Variants in EXD3 observed in about 807,000 individuals in gnomAD.
The protein encoded by EXD3 is exonuclease 3'-5' domain containing 3.
In EXD3, 92 loss-of-function variants were observed where a neutral mutation model predicts 98.0. The observed-to-expected ratio is 0.94, with a 90% confidence interval of 0.79 to 1.12. The LOEUF (loss-of-function observed/expected upper bound fraction) is 1.12, where lower values mean the gene tolerates loss of function less well. Ranked by LOEUF, EXD3 falls within the 50% of genes most tolerant of loss-of-function variation. The probability of loss-of-function intolerance (pLI) is 0.00; values close to 1 mark genes in which losing one functional copy is unlikely to be tolerated. For synonymous variants in EXD3, 569 were observed against 526.0 expected (o/e 1.08, Z -1.12); for missense variants, 1,222 against 1,191.6 (o/e 1.03, Z -0.38).
Position 137,351,159 on chromosome 9 carries a change from A to T in EXD3, c.1385-12T>A. ...CACCATCCCGTAGCCTGTGGGCAGG[A>T]ACCATCGTGGGAGGGGCGCCTGCAG... On this transcript the variant is annotated splice_polypyrimidine_tract_variant and intron_variant, in intron 13 of 21. Transcript: ENST00000340951. 1.3e-6 allele frequency: 2 copies of T among 1,562,980 alleles called. No individual in the cohort carries two copies. The highest frequency in any genetic ancestry group is 1.7e-6 in the Non-Finnish European group (2 of 1,154,514).
intron 5 of EXD3, among the ~76,000 whole-genome samples, chr9:137,370,592 T>G: frequency 7.0e-6 from 1 of 143,390 alleles, no homozygotes; most frequent in East Asian, 2.1e-4. Flanking sequence ...GCCCAGGAGC[T>G]GCTGCTTTCA....
At chr9:137,416,182 C>T (rs539013450) in intron 1 of EXD3, among the ~76,000 whole-genome samples, 11 of 152,310 alleles carry the variant, frequency 7.2e-5, no homozygotes, top group Admixed American at 6.5e-5. Flanking sequence ...CCAGGGCTTT[C>T]GCTCTTCTGC....
intron 5 of EXD3, among the ~76,000 whole-genome samples, chr9:137,370,379 A>G (rs1788345163): frequency 6.6e-6 from 1 of 152,106 alleles, no homozygotes; most frequent in Non-Finnish European, 1.5e-5. Flanking sequence ...AGCAGACAGC[A>G]GAAGGTGAAG....
Position 137,373,538 on chromosome 9 carries a change from T to C in EXD3, c.182A>G (p.Asp61Gly). The change falls in exon 4 of 22, where the codon GAC (aspartate) becomes GGC (glycine). Residue 61 changes from aspartate (D) to glycine (G), a missense_variant. By Grantham distance (94) the Asp-to-Gly change is moderately conservative. Coordinates refer to ENST00000340951, the MANE Select transcript of EXD3 (RefSeq NM_017820.5). ...ALDDPLAGLL[D>G]MLESCRGQRG... ...CTGGCCCCGGCAGCTCTCCAGCATG[T>C]CCAGAAGCCCGGCCAGGGGGTCGTC... The C allele has an allele frequency of 6.2e-7, 1 of 1,603,776 alleles. No individual in the cohort carries two copies. The highest frequency in any genetic ancestry group is 1.1e-5 in the South Asian group (1 of 89,304).
chr9:137,379,931 G>A (rs1236933462), intron 3 of EXD3, among the ~76,000 whole-genome samples: 2 of 151,878 alleles, frequency 1.3e-5, no homozygotes, highest in Non-Finnish European at 2.9e-5. Context: ...GTGTGCCCAC[G>A]TCGGCCAGCG....
In EXD3 at chr9:137,355,471, A is replaced by C. The variant is rs1182517045; in HGVS notation, c.758-698T>G. Among the ~76,000 whole-genome samples, 285 of 110,294 alleles carry C rather than the reference A, an allele frequency of 2.6e-3. 4 individuals are homozygous for C. Among genetic ancestry groups the C allele is most frequent in the African/African-American group, 9.9e-3 (231 of 23,422 alleles). 72.4% of individuals were successfully genotyped at this position (110,294 alleles called of 152,430 possible). On this transcript the variant is annotated intron_variant, in intron 8 of 21. Transcript: ENST00000340951. ...AGGATGGAGGAAGGAGAAAGGAGGA[A>C]GGAGGAAGGAGGAAGGAGGATGGAG...
At chr9:137,376,719 C>G (rs1041148278) in intron 3 of EXD3, among the ~76,000 whole-genome samples, 2 of 152,042 alleles carry the variant, frequency 1.3e-5, no homozygotes, top group Non-Finnish European at 2.9e-5. Context: ...CAACTGAGGT[C>G]GGGAGTTGGA....
In EXD3 at chr9:137,368,016, C is replaced by G. The variant is rs1438065122; in HGVS notation, c.463-27G>C. The G allele has an allele frequency of 1.9e-6, 3 of 1,600,914 alleles. No homozygotes were observed. The East Asian group carries it at 6.7e-5, about 36-fold the overall frequency. The stretch of plus-strand genomic sequence containing the variant: ...TGGCAAACACAAAGGCGGCAGATTA[C>G]TCAGGGCCTGGGAGGGGCCAGGCAG... On this transcript the variant is annotated intron_variant, in intron 5 of 21. Transcript: ENST00000340951.
In EXD3 at chr9:137,323,611, C is replaced by T. The variant is rs1832208630; in HGVS notation, c.2184+114G>A. The stretch of plus-strand genomic sequence containing the variant: ...ACCCTGGACCACGAGGGATGCTCTG[C>T]CGACACCCCACCCCAGACCCACCAC... On this transcript the variant is annotated intron_variant, in intron 19 of 21. Coordinates refer to ENST00000340951, the MANE Select transcript of EXD3 (RefSeq NM_017820.5). The T allele has an allele frequency of 2.8e-6, 4 of 1,430,426 alleles. No homozygotes were observed. In the Admixed American group the frequency reaches 6.1e-5, roughly 22 times the overall value. 88.6% of individuals were successfully genotyped at this position (1,430,426 alleles called of 1,614,324 possible).
At chr9:137,320,267 C>T (rs1257579230) in intron 19 of EXD3, among the ~76,000 whole-genome samples, 3 of 152,200 alleles carry the variant, frequency 2.0e-5, no homozygotes, top group Admixed American at 6.5e-5. Context: ...GGTGGCAGGT[C>T]GCTGCCTGGG....
intron 8 of EXD3, among the ~76,000 whole-genome samples, chr9:137,355,979 A>G (rs1258501402): frequency 6.6e-6 from 1 of 152,064 alleles, no homozygotes; most frequent in African/African-American, 2.4e-5. Flanking sequence ...TGGACTCAGC[A>G]CTCACCCTCA....
chr9:137,421,261 C>T (rs2131853274), intron 1 of EXD3, among the ~76,000 whole-genome samples: 2 of 152,308 alleles, frequency 1.3e-5, no homozygotes, highest in South Asian at 4.1e-4. Context: ...GTCTGAAATT[C>T]CTTATGGCAA....
intron 1 of EXD3, among the ~76,000 whole-genome samples, chr9:137,412,059 C>A (rs571532824): frequency 6.6e-6 from 1 of 152,334 alleles, no homozygotes; most frequent in South Asian, 2.1e-4. Context: ...CCCACCCCCA[C>A]AGAGCCGGCC....
chr9:137,355,130 G>C (rs1370262354), intron 8 of EXD3, among the ~76,000 whole-genome samples: 1 of 152,166 alleles, frequency 6.6e-6, no homozygotes, highest in Non-Finnish European at 1.5e-5. Context: ...GACAGAGCCG[G>C]CTGCTCACTG....
At chr9:137,381,964 GGAGGAGGTGGGAGCACGCA>G (rs1836299358) in intron 3 of EXD3, among the ~76,000 whole-genome samples, 1 of 151,396 alleles carries the variant, frequency 6.6e-6, no homozygotes, top group Non-Finnish European at 1.5e-5. Context: ...GAGGGCGCAG[GGAGGAGGTGGGAGCACGCA>G]GAGGAGGTGA....
Position 137,371,911 on chromosome 9 carries a change from C to T in EXD3, c.462+994G>A, listed in dbSNP as rs754256219. Among the ~76,000 whole-genome samples the T allele has an allele frequency of 5.3e-5, 8 of 152,140 alleles. No homozygotes were observed. The highest frequency in any genetic ancestry group is 7.4e-5 in the Non-Finnish European group (5 of 67,980). ...CAGCTCAGAGCCACCCCACGCAAGACGGCCGCCTCCCTACCCACTGCAGGC... is the reference window on the plus strand; with the variant it reads ...CAGCTCAGAGCCACCCCACGCAAGATGGCCGCCTCCCTACCCACTGCAGGC... On this transcript the variant is annotated intron_variant, in intron 5 of 21. Coordinates refer to ENST00000340951, the MANE Select transcript of EXD3 (RefSeq NM_017820.5). This position sits in a 1 kb window ranked among gnomAD's most constrained non-coding sequence, Gnocchi z 8.0.
intron 1 of EXD3, among the ~76,000 whole-genome samples, chr9:137,421,458 G>A (rs1838508033): frequency 6.6e-6 from 1 of 152,236 alleles, no homozygotes; most frequent in East Asian, 1.9e-4. Context: ...CAGCATACCT[G>A]TTACTGGATT....
At chr9:137,414,620 T>G (rs1209624121) in intron 1 of EXD3, among the ~76,000 whole-genome samples, 1 of 152,246 alleles carries the variant, frequency 6.6e-6, no homozygotes, top group African/African-American at 2.4e-5. Flanking sequence ...CAACGCCTGT[T>G]GCGGTCTGTC....
rs535196514 is a variant in EXD3 at position 137,405,440 on chromosome 9, G to A, written c.-47-10036C>T. 6.6e-6 allele frequency among the ~76,000 whole-genome samples: 1 copy of A among 152,360 alleles called. No homozygotes were observed. The highest frequency in any genetic ancestry group is 2.4e-5 in the African/African-American group (1 of 41,586). On this transcript the variant is annotated intron_variant, in intron 1 of 21. Transcript: ENST00000340951. This position sits in a 1 kb window ranked among gnomAD's most constrained non-coding sequence, Gnocchi z 4.1. ...GGTGTCCGTGGCCCAAGGATTTGCA[G>A]AGCCGCGGACGGAGCCCAGGGCGGC...
Sources: allele counts gnomAD v4.1 joint callset (sites outside exome capture counted in the v4.1 genomes callset), GRCh38; gene constraint gnomAD v4.1.1; non-coding constraint Gnocchi (gnomAD v3.1); transcripts MANE v1.5; gene names NCBI Gene and HGNC (gene_info 2026-07-23, HGNC 2026-07-21).